Variants in AMPH observed in about 807,000 individuals in gnomAD.
The protein encoded by AMPH is amphiphysin (Stiff-Mann syndrome with breast cancer 128kD autoantigen).
A neutral mutation model predicts 99.1 loss-of-function variants in AMPH; 49 were observed. That is an observed-to-expected ratio of 0.49 (90% CI 0.39 to 0.63). The LOEUF (loss-of-function observed/expected upper bound fraction) is 0.63, where lower values mean the gene tolerates loss of function less well. Among genes scored for constraint, AMPH ranks in the 20% least tolerant of loss-of-function variants. The pLI is 0.00. For missense variants in AMPH, 759 were observed against 863.4 expected (o/e 0.88, Z 1.52); for synonymous variants, 314 against 317.3 (o/e 0.99, Z 0.11).
intron 1 of AMPH, among the ~76,000 whole-genome samples, chr7:38,594,120 T>C (rs1792963117): frequency 6.6e-6 from 1 of 152,112 alleles, no homozygotes; most frequent in Non-Finnish European, 1.5e-5. Context: ...ACCAGTTCCA[T>C]AATCAGGTAA....
At chr7:38,571,335 T>TATATAGAATATATATTTAC (rs1792007552) in intron 1 of AMPH, among the ~76,000 whole-genome samples, 1 of 60,472 alleles carries the variant, frequency 1.7e-5, no homozygotes, top group Non-Finnish European at 2.9e-5. Flanking sequence ...TATATATTTA[T>TATATAGAATATATATTTAC]ATATAGAATA....
chr7:38,504,033 A>G (rs1325214087), intron 2 of AMPH, among the ~76,000 whole-genome samples: 1 of 152,246 alleles, frequency 6.6e-6, no homozygotes, highest in Non-Finnish European at 1.5e-5. Flanking sequence ...ATTATCTAAC[A>G]TGGTAGCCAC....
At chr7:38,534,147 G>C (rs77249382) in intron 2 of AMPH, among the ~76,000 whole-genome samples, 281 of 151,946 alleles carry the variant, frequency 1.8e-3, no homozygotes, top group African/African-American at 6.5e-3. Context: ...GCTTATCTAA[G>C]ATATGTTTAT....
intron 1 of AMPH, among the ~76,000 whole-genome samples, chr7:38,537,131 G>A (rs1584219699): frequency 1.3e-5 from 2 of 152,262 alleles, no homozygotes; most frequent in South Asian, 4.1e-4. Context: ...TACAAGTTAA[G>A]TGGATGTATT....
chr7:38,529,775 A>G (rs1203272377), intron 2 of AMPH, among the ~76,000 whole-genome samples: 1 of 152,246 alleles, frequency 6.6e-6, no homozygotes, highest in Non-Finnish European at 1.5e-5. Context: ...ACATTAATAT[A>G]TTCACATCAT....
chr7:38,549,595 G>T (rs1791111003), intron 1 of AMPH, among the ~76,000 whole-genome samples: 1 of 152,186 alleles, frequency 6.6e-6, no homozygotes, highest in Non-Finnish European at 1.5e-5. Context: ...ACCTAGAAAA[G>T]ACTAAGCATA....
chr7:38,577,466 T>C (rs1792288113), intron 1 of AMPH, among the ~76,000 whole-genome samples: 1 of 152,228 alleles, frequency 6.6e-6, no homozygotes, highest in African/African-American at 2.4e-5. Flanking sequence ...TTTATTCCCT[T>C]GCGAGTTTGA....
intron 1 of AMPH, among the ~76,000 whole-genome samples, chr7:38,630,508 G>A (rs1794416941): frequency 6.6e-6 from 1 of 152,154 alleles, no homozygotes; most frequent in Non-Finnish European, 1.5e-5. Flanking sequence ...CCCAATTTGT[G>A]CAATCTGGAT....
At chr7:38,524,829 C>T (rs550373398) in intron 2 of AMPH, among the ~76,000 whole-genome samples, 9 of 152,106 alleles carry the variant, frequency 5.9e-5, no homozygotes, top group African/African-American at 2.2e-4. Flanking sequence ...ATATGGGGCC[C>T]ACATCCTCCT....
At chr7:38,527,764 T>C (rs991193354) in intron 2 of AMPH, among the ~76,000 whole-genome samples, 2 of 152,244 alleles carry the variant, frequency 1.3e-5, no homozygotes, top group Non-Finnish European at 2.9e-5. Context: ...GGCTAGGACT[T>C]CCACTTCTAC....
chr7:38,407,206 T>C (rs1009188228), intron 17 of AMPH, among the ~76,000 whole-genome samples: 13 of 147,852 alleles, frequency 8.8e-5, no homozygotes, highest in African/African-American at 3.0e-4. Context: ...TCTCCCTCTC[T>C]CTATATCTAT....
Position 38,391,749 on chromosome 7 carries a change from T to C in AMPH, c.1877A>G (p.Lys626Arg). ...SQELPPGFLY[K>R]VETLHDFEAA... Reference sequence around the variant, plus strand: ...ATGAGACTTAAAAAATAAGAATACCTTGTAGAGAAAGCCAGGAGGCAATTC... The same window carrying C: ...ATGAGACTTAAAAAATAAGAATACCCTGTAGAGAAAGCCAGGAGGCAATTC... Residue 626 changes from lysine (K) to arginine (R), a missense_variant and splice_region_variant, in exon 19 of 21, where the codon AAG becomes AGG. This residue lies in a region of AMPH where 554 missense variants were observed against 575.6 expected (regional missense o/e 0.96). Transcript: ENST00000356264. The C allele has an allele frequency of 6.2e-7, 1 of 1,613,282 alleles. No individual in the cohort carries two copies. Among genetic ancestry groups the C allele is most frequent in the Non-Finnish European group, 8.5e-7 (1 of 1,179,776 alleles).
At chr7:38,515,733 C>A (rs534063727) in intron 2 of AMPH, among the ~76,000 whole-genome samples, 7 of 152,122 alleles carry the variant, frequency 4.6e-5, no homozygotes, top group African/African-American at 1.7e-4. Context: ...CAGAAGAAGA[C>A]AGAAAGATGA....
intron 1 of AMPH, among the ~76,000 whole-genome samples, chr7:38,535,455 T>C (rs776664567): frequency 1.3e-5 from 2 of 152,156 alleles, no homozygotes; most frequent in Non-Finnish European, 2.9e-5. Flanking sequence ...CCCAAACTTT[T>C]TGGCACCAGG....
At chr7:38,398,195 A>C (rs1784734118) in intron 17 of AMPH, among the ~76,000 whole-genome samples, 1 of 132,688 alleles carries the variant, frequency 7.5e-6, no homozygotes, top group South Asian at 2.4e-4. Context: ...AAAAAAAAAA[A>C]CAAAAAAAAA....
At chr7:38,411,637 G>A (rs1337052366) in intron 17 of AMPH, among the ~76,000 whole-genome samples, 1 of 152,214 alleles carries the variant, frequency 6.6e-6, no homozygotes, top group Non-Finnish European at 1.5e-5. Context: ...GCCACCTGTA[G>A]GGGAAGAGGA....
chr7:38,546,623 C>A (rs893412), intron 1 of AMPH, among the ~76,000 whole-genome samples: 16,986 of 152,132 alleles, frequency 0.11, 1,386 homozygotes, highest in East Asian at 0.33. Context: ...TCATCACATT[C>A]TCTTGTTTGC....
At chr7:38,483,542 A>G (rs1264813563) in intron 5 of AMPH, among the ~76,000 whole-genome samples, 1 of 152,150 alleles carries the variant, frequency 6.6e-6, no homozygotes, top group African/African-American at 2.4e-5. Context: ...TGCTTGTCTC[A>G]GAGCACTGAA....
chr7:38,631,179 G>A (rs1794449007), intron 1 of AMPH, 104 bp downstream of exon 1: 4 of 1,029,756 alleles, frequency 3.9e-6, no homozygotes, highest in African/African-American at 1.7e-5. Context: ...GCTCCGCAGC[G>A]CGCCGCACCC....
Sources: gnomAD v4.1 joint callset for allele counts (sites outside exome capture counted in the v4.1 genomes callset) on GRCh38, gnomAD v4.1.1 for gene constraint, gnomAD v4.1.1 regional missense constraint, MANE v1.5 for transcripts, NCBI Gene and HGNC (gene_info 2026-07-23, HGNC 2026-07-21) for gene names.